CELF2: variants seen among roughly 807,000 people sequenced by gnomAD.
The protein encoded by CELF2 is CUG triplet repeat RNA-binding protein 2.
In CELF2, 8 loss-of-function variants were observed where a neutral mutation model predicts 62.6. That is an observed-to-expected ratio of 0.13 (90% confidence interval 0.07 to 0.23). The LOEUF (loss-of-function observed/expected upper bound fraction) is 0.23. CELF2 is among the 10% of genes least tolerant of loss of function. The pLI, the probability that CELF2 is intolerant of heterozygous loss-of-function variation, is 1.00. For synonymous variants in CELF2, 258 were observed against 250.0 expected, an observed-to-expected ratio of 1.03 and a Z score of -0.30; for missense variants, 333 against 671.0, an observed-to-expected ratio of 0.50 and a Z score of 5.56.
chr10:10,562,846 C>A, the CELF2 span, among the ~76,000 whole-genome samples: 1 of 129,058 alleles, frequency 7.7e-6, no homozygotes, highest in Non-Finnish European at 1.6e-5. Flanking sequence ...TCCGTCCAGC[C>A]AAGGACTATC....
intron 7 of CELF2, among the ~76,000 whole-genome samples, chr10:11,273,839 A>G (rs976181234): frequency 1.3e-5 from 2 of 151,918 alleles, no homozygotes; most frequent in Non-Finnish European, 2.9e-5. Context: ...CTCATGCCTC[A>G]GCCTCCTAAG....
At chr10:11,076,336 A>T (rs1638878107) in intron 1 of CELF2, among the ~76,000 whole-genome samples, 1 of 152,202 alleles carries the variant, frequency 6.6e-6, no homozygotes, top group African/African-American at 2.4e-5. Flanking sequence ...GCAAAAAGGG[A>T]CAGAGTAAAA....
the CELF2 span, among the ~76,000 whole-genome samples, chr10:10,730,724 G>A: frequency 6.6e-6 from 1 of 152,108 alleles, no homozygotes; most frequent in East Asian, 1.9e-4. Flanking sequence ...GCCCTTTTGT[G>A]GATGAGGGGG....
At chr10:10,631,756 G>A in the CELF2 span, among the ~76,000 whole-genome samples, 2 of 152,124 alleles carry the variant, frequency 1.3e-5, no homozygotes, top group African/African-American at 4.8e-5. Flanking sequence ...GCATACATGA[G>A]ATTCTACTCA....
the CELF2 span, among the ~76,000 whole-genome samples, chr10:10,729,492 T>C: frequency 6.6e-6 from 1 of 152,220 alleles, no homozygotes; most frequent in African/African-American, 2.4e-5. Context: ...ATATTCCTAA[T>C]TGTGGTTAAT....
At chr10:10,761,931 TGTG>T in the CELF2 span, among the ~76,000 whole-genome samples, 1 of 149,124 alleles carries the variant, frequency 6.7e-6, no homozygotes, top group Non-Finnish European at 1.5e-5. Context: ...TGTGTGTGTG[TGTG>T]TGTGTGTGTG....
intron 1 of CELF2, among the ~76,000 whole-genome samples, chr10:11,122,267 C>A (rs2057909059): frequency 6.6e-6 from 1 of 152,210 alleles, no homozygotes. Flanking sequence ...CCAAACTATA[C>A]AGAACAGCCT....
chr10:10,836,793 G>A (rs1013943894), intron 1 of CELF2, among the ~76,000 whole-genome samples: 6 of 152,052 alleles, frequency 3.9e-5, no homozygotes, highest in African/African-American at 1.2e-4. Context: ...GTGCCACCAC[G>A]CCCGGCTAAT....
At chr10:11,203,982 A>C (rs2059854848) in intron 2 of CELF2, among the ~76,000 whole-genome samples, 1 of 152,232 alleles carries the variant, frequency 6.6e-6, no homozygotes, top group Non-Finnish European at 1.5e-5. Flanking sequence ...TCAGAGGCTG[A>C]GTGGAGAGAC....
chr10:11,174,535 TA>T (rs1171804524), intron 2 of CELF2, among the ~76,000 whole-genome samples: 1 of 152,204 alleles, frequency 6.6e-6, no homozygotes, highest in Non-Finnish European at 1.5e-5. Flanking sequence ...GTTTGAAGAA[TA>T]AAGGAATATA....
chr10:10,522,345 C>T, the CELF2 span, among the ~76,000 whole-genome samples: 1 of 152,220 alleles, frequency 6.6e-6, no homozygotes. Flanking sequence ...GATGTCTCTG[C>T]CATCTCTTCC....
At chr10:10,642,426 G>A in the CELF2 span, among the ~76,000 whole-genome samples, 1 of 152,238 alleles carries the variant, frequency 6.6e-6, no homozygotes, top group Non-Finnish European at 1.5e-5. Flanking sequence ...GCATTAAACA[G>A]TGATGTCACA....
chr10:10,815,592 T>G (rs1460754198), intron 1 of CELF2, among the ~76,000 whole-genome samples: 2 of 152,234 alleles, frequency 1.3e-5, no homozygotes, highest in Admixed American at 6.5e-5. Context: ...CTAATGAAAC[T>G]AGTTTGTTGT....
the CELF2 span, among the ~76,000 whole-genome samples, chr10:10,754,348 T>C: frequency 6.6e-6 from 1 of 152,034 alleles, no homozygotes; most frequent in Non-Finnish European, 1.5e-5. Context: ...AATGGGGTTT[T>C]GCCAGGTTTC....
At chr10:10,769,663 C>G in the CELF2 span, among the ~76,000 whole-genome samples, 2 of 152,014 alleles carry the variant, frequency 1.3e-5, no homozygotes, top group Non-Finnish European at 2.9e-5. Flanking sequence ...ACTCAGGGGA[C>G]TGAGGCAGGA....
chr10:11,077,927 AG>A (rs2072593270), intron 1 of CELF2, among the ~76,000 whole-genome samples: 1 of 152,186 alleles, frequency 6.6e-6, no homozygotes, highest in Non-Finnish European at 1.5e-5. Context: ...CACCTGTAAA[AG>A]CATATTAGGA....
intron 1 of CELF2, among the ~76,000 whole-genome samples, chr10:10,847,666 G>A (rs554358598): frequency 3.9e-5 from 6 of 152,326 alleles, no homozygotes; most frequent in East Asian, 1.9e-4. Context: ...ATGCAAGAGC[G>A]TGTTCATTGT....
At chr10:10,727,557 A>G in the CELF2 span, among the ~76,000 whole-genome samples, 1 of 152,064 alleles carries the variant, frequency 6.6e-6, no homozygotes, top group East Asian at 1.9e-4. Flanking sequence ...CGGGTGGATC[A>G]TGAGGTCGGG....
At chr10:11,262,452 A>G (rs1225478791) in intron 5 of CELF2, among the ~76,000 whole-genome samples, 1 of 152,174 alleles carries the variant, frequency 6.6e-6, no homozygotes, top group African/African-American at 2.4e-5. Flanking sequence ...GTACCTAAAC[A>G]TTCAGATGTG....
Sources: allele counts gnomAD v4.1 joint callset (sites outside exome capture counted in the v4.1 genomes callset), GRCh38; gene constraint gnomAD v4.1.1; transcripts MANE v1.5; gene names NCBI Gene and HGNC (gene_info 2026-07-23, HGNC 2026-07-21).